Variants in PCDHA3 observed in about 807,000 individuals in gnomAD.
The protein encoded by PCDHA3 is protocadherin alpha 3, also known as protocadherin alpha-3.
A neutral mutation model predicts 62.2 loss-of-function variants in PCDHA3; 41 were observed. The ratio of observed to expected loss-of-function variants is 0.66; its 90% CI spans 0.51 to 0.86. PCDHA3 has a LOEUF of 0.86. PCDHA3 is among the 40% of genes least tolerant of loss of function. PCDHA3 has a pLI of 0.00. For synonymous variants in PCDHA3, 640 were observed against 555.4 expected, an observed-to-expected ratio of 1.15 and a Z score of -2.14; for missense variants, 1,304 against 1,241.2, an observed-to-expected ratio of 1.05 and a Z score of -0.76.
At chr5:140,896,114 G>A (rs1165904850) in intron 1 of PCDHA3, among the ~76,000 whole-genome samples, 1 of 152,030 alleles carries the variant, frequency 6.6e-6, no homozygotes, top group Non-Finnish European at 1.5e-5. Context: ...CCTGGCCAAT[G>A]TACTGCATTT....
chr5:140,889,037 A>G (rs2062077417), intron 1 of PCDHA3, among the ~76,000 whole-genome samples: 1 of 151,994 alleles, frequency 6.6e-6, no homozygotes, highest in Non-Finnish European at 1.5e-5. Context: ...CCGTAATTTG[A>G]TTATAATTTA....
rs781998335 is a variant in PCDHA3, at chr5:140,801,210, T to C, written c.13T>C (p.Trp5Arg). 4 of 1,604,670 alleles carry C rather than the reference T, an allele frequency of 2.5e-6. No individual in the cohort carries two copies. Among genetic ancestry groups the C allele is most frequent in the African/African-American group, 1.3e-5 (1 of 74,606 alleles). Residue 5 changes from tryptophan (W) to arginine (R), a missense_variant, in exon 1 of 4, where the codon TGG becomes CGG. Coordinates refer to ENST00000522353, the MANE Select transcript of PCDHA3 (RefSeq NM_018906.3). ...GAAAATACTTGCAATGTTGTTCTCC[T>C]GGCGAGAAGATCCTGGAGCCCAGTG... MLFS[W>R]REDPGAQCLL...
intron 1 of PCDHA3, chr5:140,809,041 G>A (rs185992398): frequency 2.4e-5 from 38 of 1,613,844 alleles, no homozygotes; most frequent in Non-Finnish European, 3.1e-5. Flanking sequence ...CTGGTGGCGC[G>A]CGCATCCCGT....
intron 1 of PCDHA3, chr5:140,822,177 A>C: frequency 1.2e-6 from 2 of 1,614,280 alleles, no homozygotes; most frequent in Non-Finnish European, 1.7e-6. Flanking sequence ...GGTTCTCCAG[A>C]CAAGAACAAA....
At position 140,802,288 on chromosome 5, in the gene PCDHA3, C is replaced by T; in HGVS notation, c.1091C>T (p.Pro364Leu). 1 of 1,614,226 alleles carries T rather than the reference C, an allele frequency of 6.2e-7. No individual in the cohort carries two copies. Among genetic ancestry groups the T allele is most frequent in the African/African-American group, 1.3e-5 (1 of 75,040 alleles). Residue 364 changes from proline (P) to leucine (L), a missense_variant, in exon 1 of 4, where the codon CCA becomes CTA. Coordinates refer to ENST00000522353, the MANE Select transcript of PCDHA3 (RefSeq NM_018906.3). ...SLSLPVLEDS[P>L]LSTVIALISV... is the part of the protein sequence containing the mutation. ...TCTTTACCTGTATTAGAAGACTCTC[C>T]ACTTAGCACAGTCATCGCTCTGATC...
intron 1 of PCDHA3, chr5:140,824,044 G>A: frequency 1.2e-6 from 2 of 1,614,184 alleles, no homozygotes; most frequent in Non-Finnish European, 1.7e-6. Context: ...GAGACAGAGG[G>A]TGTGCTCTGG....
intron 1 of PCDHA3, chr5:140,848,375 C>T: frequency 1.7e-6 from 2 of 1,165,908 alleles, no homozygotes; most frequent in Admixed American, 4.7e-5. Flanking sequence ...AGGCTCAATT[C>T]TTTTTCACTC....
chr5:140,843,104 C>A (rs1327692669), intron 1 of PCDHA3: 3 of 1,595,712 alleles, frequency 1.9e-6, no homozygotes, highest in Non-Finnish European at 1.7e-6. Context: ...AGCGAAGGTG[C>A]GCGCAGTGGA....
At position 140,808,881 on chromosome 5, in the gene PCDHA3, T is replaced by C. The variant is rs1344157467; in HGVS notation, c.2394+5290T>C. On this transcript the variant is annotated intron_variant, in intron 1 of 3. Coordinates refer to ENST00000522353, the MANE Select transcript of PCDHA3 (RefSeq NM_018906.3). The stretch of plus-strand genomic sequence containing the variant: ...GACGAAAACGACAACGCGCCAGCAC[T>C]GCTAGCGCCTCGGGCGGGTGGCACT... The C allele has an allele frequency of 6.2e-7, 1 of 1,613,314 alleles. No homozygotes were observed. The highest frequency in any genetic ancestry group is 8.5e-7 in the Non-Finnish European group (1 of 1,179,880).
intron 1 of PCDHA3, among the ~76,000 whole-genome samples, chr5:140,935,722 G>A (rs1230672751): frequency 6.6e-6 from 1 of 152,006 alleles, no homozygotes; most frequent in Non-Finnish European, 1.5e-5. Context: ...TATATTTAGA[G>A]AAGTCTAGTA....
At chr5:140,853,797 T>G (rs2042870109) in intron 1 of PCDHA3, 4 of 987,438 alleles carry the variant, frequency 4.1e-6, no homozygotes, top group Non-Finnish European at 4.9e-6. Context: ...AATTTTCATT[T>G]TAAAGCACAC....
chr5:140,836,286 C>G lies in PCDHA3; in HGVS notation c.2394+32695C>G, dbSNP rs146878440. 2.7e-4 allele frequency: 429 copies of G among 1,613,656 alleles called. 1 individual carries two copies. Among genetic ancestry groups the G allele is most frequent in the Non-Finnish European group, 5.8e-5 (68 of 1,179,818 alleles). ...GTACACTGGTGAGATCAGCACGACACGAGCCCTAGATGAGACGGACGCACC... is the reference window on the plus strand; with the variant it reads ...GTACACTGGTGAGATCAGCACGACAGGAGCCCTAGATGAGACGGACGCACC... On this transcript the variant is annotated intron_variant, in intron 1 of 3. Coordinates refer to ENST00000522353, the MANE Select transcript of PCDHA3 (RefSeq NM_018906.3).
At chr5:140,960,737 G>T (rs2095566221) in intron 1 of PCDHA3, among the ~76,000 whole-genome samples, 1 of 145,230 alleles carries the variant, frequency 6.9e-6, no homozygotes, top group South Asian at 2.2e-4. Context: ...CATGATTTTA[G>T]TCCATGGCTA....
intron 1 of PCDHA3, among the ~76,000 whole-genome samples, chr5:140,913,986 G>A (rs1326699020): frequency 1.3e-5 from 2 of 152,048 alleles, no homozygotes; most frequent in African/African-American, 4.8e-5. Context: ...GACTTGTATT[G>A]TGACTAGCAT....
At chr5:140,891,100 G>T (rs544877951) in intron 1 of PCDHA3, among the ~76,000 whole-genome samples, 1 of 152,206 alleles carries the variant, frequency 6.6e-6, no homozygotes, top group East Asian at 1.9e-4. Context: ...TTGCTGTCAA[G>T]AATTTAGCTG....
Position 140,803,398 on chromosome 5 carries a change from C to T in PCDHA3, c.2201C>T (p.Pro734Leu), listed in dbSNP as rs781917643. The stretch of plus-strand genomic sequence containing the variant: ...CCGCCAACCGAAGGCGACTGTGGGC[C>T]GGGCAAGCCCACGCTGGTGTGCTCC... ...SAPPTEGDCG[P>L]GKPTLVCSSA... Residue 734 changes from proline to leucine, a missense_variant, in exon 1 of 4, where the codon CCG (proline) becomes CTG (leucine). By Grantham distance (98) the Pro-to-Leu change is moderately conservative. Coordinates refer to ENST00000522353, the MANE Select transcript of PCDHA3 (RefSeq NM_018906.3). 1.9e-6 allele frequency: 3 copies of T among 1,614,198 alleles called. No homozygotes were observed. Among genetic ancestry groups the T allele is most frequent in the Non-Finnish European group, 2.5e-6 (3 of 1,180,048 alleles).
At chr5:140,890,507 C>G (rs2153430728) in intron 1 of PCDHA3, among the ~76,000 whole-genome samples, 1 of 152,146 alleles carries the variant, frequency 6.6e-6, no homozygotes, top group African/African-American at 2.4e-5. Context: ...TTTTATGTCT[C>G]TATTTCCTTC....
At chr5:140,889,424 A>AT (rs1554183891) in intron 1 of PCDHA3, among the ~76,000 whole-genome samples, 2 of 151,956 alleles carry the variant, frequency 1.3e-5, no homozygotes, top group Non-Finnish European at 2.9e-5. Flanking sequence ...CGTAGATAAT[A>AT]TTTTTTCAGG....
intron 1 of PCDHA3, among the ~76,000 whole-genome samples, chr5:140,912,180 T>C (rs2075805933): frequency 6.6e-6 from 1 of 152,168 alleles, no homozygotes; most frequent in South Asian, 2.1e-4. Flanking sequence ...TGGCAGCTGA[T>C]TAGATTGTGC....
Sources: gnomAD v4.1 joint callset for allele counts (sites outside exome capture counted in the v4.1 genomes callset) on GRCh38, gnomAD v4.1.1 for gene constraint, MANE v1.5 for transcripts, NCBI Gene and HGNC (gene_info 2026-07-23, HGNC 2026-07-21) for gene names.